The following CLTCL1 variants were observed in gnomAD, a reference collection of about 807,000 sequenced individuals.
CLTCL1 encodes clathrin heavy chain 2.
A neutral mutation model predicts 190.0 loss-of-function variants in CLTCL1; 159 were observed. The ratio of observed to expected loss-of-function variants is 0.84; its 90% CI spans 0.74 to 0.95. The LOEUF is 0.95. Ranked by LOEUF, CLTCL1 falls within the 40% of genes least tolerant of loss-of-function variation. The pLI, the probability that CLTCL1 is intolerant of heterozygous loss-of-function variation, is 0.00. For synonymous variants in CLTCL1, 752 were observed against 769.6 expected (o/e 0.98, Z 0.38); for missense variants, 1,878 against 2,033.4 (o/e 0.92, Z 1.47).
Position 19,210,415 on chromosome 22 carries a change from C to T in CLTCL1, c.3160G>A (p.Asp1054Asn), listed in dbSNP as rs1555945871. 6.2e-7 allele frequency: 1 copy of T among 1,613,962 alleles called. No homozygotes were observed. Among genetic ancestry groups the T allele is most frequent in the Admixed American group, 1.7e-5 (1 of 60,028 alleles). Residue 1054 changes from aspartate to asparagine, a missense_variant, in exon 20 of 33, where the codon GAC (aspartate) becomes AAC (asparagine). Physicochemically the swap from Asp to Asn is conservative, Grantham distance 23. Transcript: ENST00000427926. ...ISRLDNYDAL[D>N]IASIAVSSAL... ...CTGCTGACAGCGATGCTCGCGATGT[C>T]CAGTGCGTCATAGTTGTCCAGGCGG...
chr22:19,235,764 C>T lies in CLTCL1; in HGVS notation c.901G>A (p.Asp301Asn), dbSNP rs782363788. 1.9e-6 allele frequency: 3 copies of T among 1,613,792 alleles called. No homozygotes were observed. Among genetic ancestry groups the T allele is most frequent in the African/African-American group, 2.7e-5 (2 of 74,912 alleles). The change falls in exon 6 of 33, where the codon GAC becomes AAC. Residue 301 changes from aspartate (D) to asparagine (N), a missense_variant. Asp to Asn is a conservative substitution (Grantham distance 23). Transcript: ENST00000427926. The stretch of plus-strand genomic sequence containing the variant: ...TGTGGAGCAGTGACAAATATTGTGT[C>T]AGCACTAATACGGTTCATGCAGATG... The part of the protein sequence containing the change: ...VCICMNRISA[D>N]TIFVTAPHKP...
chr22:19,199,818 T>C lies in CLTCL1; in HGVS notation c.3789A>G (p.Gly1263=). The C allele has an allele frequency of 6.3e-7, 1 of 1,596,106 alleles. No homozygotes were observed. Among genetic ancestry groups the C allele is most frequent in the Non-Finnish European group, 8.5e-7 (1 of 1,171,782 alleles). Residue 1263 remains glycine (G), a synonymous_variant, in exon 24 of 33, where the codon GGA becomes GGG. Transcript: ENST00000427926. Reference sequence around the variant, plus strand: ...ACAGCTGTGCGAAGCGGAACTCTTGTCCATCCATGCAGGCAAAGCACACCT... The same window carrying C: ...ACAGCTGTGCGAAGCGGAACTCTTGCCCATCCATGCAGGCAAAGCACACCT... The part of the protein sequence containing the change: ...WKEVCFACMD[G]QEFRFAQLCG...
rs782394466 is a variant in CLTCL1 at position 19,235,844 on chromosome 22, T to C, written c.821A>G (p.Tyr274Cys). The C allele has an allele frequency of 6.2e-7, 1 of 1,613,786 alleles. No homozygotes were observed. Among genetic ancestry groups the C allele is most frequent in the Non-Finnish European group, 8.5e-7 (1 of 1,179,850 alleles). Residue 274 changes from tyrosine to cysteine, a missense_variant, in exon 6 of 33, where the codon TAC becomes TGC. Tyr to Cys is a radical substitution (Grantham distance 194). Transcript: ENST00000427926. Reference protein sequence around the residue: ...MQIGAKHGVIYLITKYGYLHL... With the variant: ...MQIGAKHGVICLITKYGYLHL... The stretch of plus-strand genomic sequence containing the variant: ...AAGATAGCCATACTTTGTGATCAAG[T>C]AAATAACACCATGTTTAGCTCCAAT...
At chr22:19,261,878 C>T (rs1091016) in intron 2 of CLTCL1, among the ~76,000 whole-genome samples, 10,829 of 152,212 alleles carry the variant, frequency 0.071, 473 homozygotes, top group Middle Eastern at 0.17. Context: ...GCACCAGAGT[C>T]TGAAAGGACT....
chr22:19,220,567 C>G (rs546415782), intron 17 of CLTCL1, among the ~76,000 whole-genome samples: 1 of 152,344 alleles, frequency 6.6e-6, no homozygotes, highest in East Asian at 1.9e-4. Context: ...CTCCAAAACA[C>G]CAACAGTCCA....
chr22:19,213,685 G>A (rs1052518928), intron 19 of CLTCL1, among the ~76,000 whole-genome samples: 8 of 152,176 alleles, frequency 5.3e-5, no homozygotes, highest in African/African-American at 1.4e-4. Context: ...TGTCACAGAG[G>A]AGTCTATACC....
chr22:19,198,898 CTT>C lies in CLTCL1; in HGVS notation c.3873+834_3873+835del, dbSNP rs1238636677. Reference sequence around the variant, plus strand: ...TCAAAGATTTGCTGACTAAATTGTTCTTTTGTCAGCCCTGTACTGCTTGATCA... The same window carrying C: ...TCAAAGATTTGCTGACTAAATTGTTCTTGTCAGCCCTGTACTGCTTGATCA... On this transcript the variant is annotated intron_variant, in intron 24 of 32. Coordinates refer to ENST00000427926, the MANE Select transcript of CLTCL1 (RefSeq NM_007098.4). This position sits in a 1 kb window ranked among gnomAD's most constrained non-coding sequence, Gnocchi z 4.1. Among the ~76,000 whole-genome samples the C allele has an allele frequency of 6.6e-6, 1 of 152,160 alleles. No homozygotes were observed. The highest frequency in any genetic ancestry group is 1.5e-5 in the Non-Finnish European group (1 of 68,040).
At chr22:19,271,077 T>C (rs1212665960) in intron 2 of CLTCL1, among the ~76,000 whole-genome samples, 1 of 152,076 alleles carries the variant, frequency 6.6e-6, no homozygotes, top group African/African-American at 2.4e-5. Context: ...GGGGGTGCCA[T>C]TCCCCCTCTT....
Position 19,232,655 on chromosome 22 carries a change from A to C in CLTCL1, c.1522-57T>G. The C allele has an allele frequency of 9.7e-6, 15 of 1,551,134 alleles. No individual in the cohort carries two copies. In the South Asian group the frequency reaches 1.8e-4, roughly 18 times the overall value. On this transcript the variant is annotated intron_variant, in intron 9 of 32. Coordinates refer to ENST00000427926, the MANE Select transcript of CLTCL1 (RefSeq NM_007098.4). Reference sequence around the variant, plus strand: ...CAATGAAAAACCCTGGGCATTAGAAAAGGAAGTTATCCATCCTTTGTTTTA... The same window carrying C: ...CAATGAAAAACCCTGGGCATTAGAACAGGAAGTTATCCATCCTTTGTTTTA...
At chr22:19,267,419 G>C (rs976309210) in intron 2 of CLTCL1, among the ~76,000 whole-genome samples, 7 of 152,086 alleles carry the variant, frequency 4.6e-5, no homozygotes, top group Non-Finnish European at 1.0e-4. Context: ...CTCTATCAAA[G>C]CCCCAGAAGG....
chr22:19,188,057 C>A lies in CLTCL1; in HGVS notation c.4358G>T (p.Arg1453Leu). The A allele has an allele frequency of 6.2e-7, 1 of 1,613,978 alleles. No individual in the cohort carries two copies. Residue 1453 changes from arginine (R) to leucine (L), a missense_variant, in exon 28 of 33, where the codon CGG becomes CTG. Transcript: ENST00000427926. The stretch of plus-strand genomic sequence containing the variant: ...CTTGTTGTTGTGGCTCTGGACTGAC[C>A]GCAGGTAAGGCTTCACCAGGGGCAG... Reference protein sequence around the residue: ...GQLPLVKPYLRSVQSHNNKSV... With the variant: ...GQLPLVKPYLLSVQSHNNKSV...
intron 2 of CLTCL1, among the ~76,000 whole-genome samples, chr22:19,268,217 C>T (rs1445371009): frequency 6.6e-6 from 1 of 152,166 alleles, no homozygotes; most frequent in African/African-American, 2.4e-5. Context: ...GAGGATGCAG[C>T]AACAGGGGCC....
At chr22:19,266,216 A>G (rs552203628) in intron 2 of CLTCL1, among the ~76,000 whole-genome samples, 2 of 152,288 alleles carry the variant, frequency 1.3e-5, no homozygotes, top group South Asian at 4.1e-4. Context: ...AAAAAACAGA[A>G]GACACAAATT....
rs377498267 is a variant in CLTCL1, at chr22:19,253,977, G to C, written c.501C>G (p.Leu167=). 4.3e-6 allele frequency: 7 copies of C among 1,612,654 alleles called. No individual in the cohort carries two copies. Among genetic ancestry groups the C allele is most frequent in the East Asian group, 2.2e-5 (1 of 44,832 alleles). ...GGCTTACCTGAGCCGAGATGCCTACGAGCAGCAGCCACTTCTGGTACTCAT... is the reference window on the plus strand; with the variant it reads ...GGCTTACCTGAGCCGAGATGCCTACCAGCAGCAGCCACTTCTGGTACTCAT... The part of the protein sequence containing the change: ...RTDEYQKWLL[L]VGISAQQNRV... Residue 167 remains leucine (L), a synonymous_variant, in exon 3 of 33, where the codon CTC becomes CTG. Coordinates refer to ENST00000427926, the MANE Select transcript of CLTCL1 (RefSeq NM_007098.4).
At chr22:19,291,013 G>A (rs1240632787) in intron 1 of CLTCL1, among the ~76,000 whole-genome samples, 1 of 152,176 alleles carries the variant, frequency 6.6e-6, no homozygotes, top group Non-Finnish European at 1.5e-5. Context: ...CAAAGCAGGG[G>A]GCCAGTCCTT....
At chr22:19,268,342 C>T (rs1569242453) in intron 2 of CLTCL1, among the ~76,000 whole-genome samples, 2 of 152,110 alleles carry the variant, frequency 1.3e-5, no homozygotes, top group South Asian at 4.1e-4. Flanking sequence ...TATAGATTTC[C>T]CAGTGTCAGC....
In CLTCL1 at chr22:19,243,838, T is replaced by C. The variant is rs947184840; in HGVS notation, c.520-902A>G. 8.6e-5 allele frequency among the ~76,000 whole-genome samples: 13 copies of C among 151,472 alleles called. No individual in the cohort carries two copies. In the East Asian group the frequency reaches 2.3e-3, roughly 27 times the overall value. ...TCAGCCTCCTGAGTAGCTGGGACTA[T>C]AGGCGCCCGCCACCATGCCTGGCTA... On this transcript the variant is annotated intron_variant, in intron 3 of 32. Coordinates refer to ENST00000427926, the MANE Select transcript of CLTCL1 (RefSeq NM_007098.4).
At chr22:19,180,934 C>T in intron 30 of CLTCL1, 128 bp from the exon 31 acceptor site, 1 of 784,920 alleles carries the variant, frequency 1.3e-6, no homozygotes. Context: ...TGCACATGGG[C>T]AGATGTGGAG....
At chr22:19,249,511 G>A (rs932437313) in intron 3 of CLTCL1, among the ~76,000 whole-genome samples, 5 of 151,688 alleles carry the variant, frequency 3.3e-5, no homozygotes, top group Middle Eastern at 3.2e-3. Context: ...TGGCCAACAC[G>A]GTGAAACCCT....
Sources: gnomAD v4.1 joint callset for allele counts (sites outside exome capture counted in the v4.1 genomes callset) on GRCh38, gnomAD v4.1.1 for gene constraint, Gnocchi (gnomAD v3.1) non-coding constraint, MANE v1.5 for transcripts, NCBI Gene and HGNC (gene_info 2026-07-23, HGNC 2026-07-21) for gene names.